The following CASZ1 variants were observed in gnomAD, a reference collection of about 807,000 sequenced individuals.
CASZ1 encodes zinc finger protein castor homolog 1.
Under a neutral mutation model 135.2 loss-of-function variants are expected in CASZ1, and 28 were observed. The observed-to-expected ratio is 0.21, with a 90% CI of 0.15 to 0.28. The LOEUF (loss-of-function observed/expected upper bound fraction) is 0.28. Ranked by LOEUF, CASZ1 falls within the 10% of genes least tolerant of loss-of-function variation. The pLI, the probability that CASZ1 is intolerant of heterozygous loss-of-function variation, is 1.00. For missense variants in CASZ1, 2,161 were observed against 2,453.3 expected, an observed-to-expected ratio of 0.88 and a Z score of 2.52; for synonymous variants, 1,068 against 1,073.4, an observed-to-expected ratio of 0.99 and a Z score of 0.10.
rs557004434 is a variant in CASZ1, at chr1:10,770,558, C to T, written c.-233-9701G>A. On this transcript the variant is annotated intron_variant, in intron 1 of 20. Transcript: ENST00000377022. ...TCCCAGCCAACTGGGCCCCTAGCTG[C>T]GGGGTGGTGAAAGGAGCCAGCAGTG... Among the ~76,000 whole-genome samples, 7 of 152,176 alleles carry T rather than the reference C, an allele frequency of 4.6e-5. No individual in the cohort carries two copies. In the South Asian group the frequency reaches 8.3e-4, roughly 18 times the overall value.
intron 4 of CASZ1, among the ~76,000 whole-genome samples, chr1:10,680,150 C>T (rs1638363969): frequency 6.6e-6 from 1 of 152,074 alleles, no homozygotes; most frequent in Admixed American, 6.5e-5. Flanking sequence ...GTGTCCTGGG[C>T]CTGACCTCTG....
At chr1:10,658,313 A>C in intron 7 of CASZ1, 195 bp downstream of exon 7, 1 of 595,584 alleles carries the variant, frequency 1.7e-6, no homozygotes, top group African/African-American at 1.9e-5. Flanking sequence ...CCTGGACTAC[A>C]CAGAGCGGAG....
intron 4 of CASZ1, among the ~76,000 whole-genome samples, chr1:10,692,725 G>A (rs1338898168): frequency 2.0e-5 from 3 of 152,298 alleles, no homozygotes; most frequent in African/African-American, 2.4e-5. Flanking sequence ...CATCCCCTCA[G>A]GGCTGCCTCC....
chr1:10,789,735 C>G (rs1354597271), intron 1 of CASZ1, among the ~76,000 whole-genome samples: 1 of 151,896 alleles, frequency 6.6e-6, no homozygotes, highest in Non-Finnish European at 1.5e-5. Flanking sequence ...CCCTGGTTGT[C>G]CTCAATTATT....
At chr1:10,687,827 TC>T (rs991716054) in intron 4 of CASZ1, among the ~76,000 whole-genome samples, 5 of 152,116 alleles carry the variant, frequency 3.3e-5, no homozygotes, top group African/African-American at 1.2e-4. Flanking sequence ...CCATCAACAC[TC>T]CTGTCTTTAT....
chr1:10,657,805 G>A lies in CASZ1; in HGVS notation c.1409+703C>T, dbSNP rs1410299852. ...AGAGGGCAGGCGGTGGGGGGGTGGG[G>A]GCGGGGGGTGTTATTTGTGTGATTT... is the stretch of plus-strand genomic sequence containing the variant. On this transcript the variant is annotated intron_variant, in intron 7 of 20. Coordinates refer to ENST00000377022, the MANE Select transcript of CASZ1 (RefSeq NM_001079843.3). This position sits in a 1 kb window ranked among gnomAD's most constrained non-coding sequence, Gnocchi z 5.7. Among the ~76,000 whole-genome samples the A allele has an allele frequency of 1.4e-4, 21 of 147,940 alleles. No individual in the cohort carries two copies.
In CASZ1 at chr1:10,774,564, CG is replaced by C. The variant is rs912874257; in HGVS notation, c.-233-13708del. On this transcript the variant is annotated intron_variant, in intron 1 of 20. Coordinates refer to ENST00000377022, the MANE Select transcript of CASZ1 (RefSeq NM_001079843.3). The surrounding 1 kb of genome is among the most constrained non-coding windows in gnomAD (Gnocchi z 4.4). ...CAAGAAATCCCATCCATAGCCCCCCCGATCCAAAAGGATCACCAGGAGATCC... is the reference window on the plus strand; with the variant it reads ...CAAGAAATCCCATCCATAGCCCCCCCATCCAAAAGGATCACCAGGAGATCC... Among the ~76,000 whole-genome samples the C allele has an allele frequency of 6.0e-5, 9 of 150,536 alleles. No homozygotes were observed. The highest frequency in any genetic ancestry group is 3.3e-4 in the Admixed American group (5 of 15,092).
intron 4 of CASZ1, among the ~76,000 whole-genome samples, chr1:10,681,534 C>T (rs1638421025): frequency 6.6e-6 from 1 of 152,222 alleles, no homozygotes; most frequent in South Asian, 2.1e-4. Context: ...TGGGCAGCCT[C>T]CCGGGACTGT....
At position 10,717,970 on chromosome 1, in the gene CASZ1, C is replaced by T. The variant is rs530368221; in HGVS notation, c.-76-12426G>A. 3.3e-5 allele frequency among the ~76,000 whole-genome samples: 5 copies of T among 152,346 alleles called. No homozygotes were observed. Among genetic ancestry groups the T allele is most frequent in the Middle Eastern group, 3.4e-3 (1 of 294 alleles). ...GACCAAAGCGGGTGCAGGGACGGGC[C>T]GAGGGGGCTACGGAGGCCCATTCAA... On this transcript the variant is annotated intron_variant, in intron 2 of 20. Transcript: ENST00000377022. This position sits in a 1 kb window ranked among gnomAD's most constrained non-coding sequence, Gnocchi z 4.6.
intron 1 of CASZ1, among the ~76,000 whole-genome samples, chr1:10,771,657 TTCC>T (rs34581008): frequency 0.69 from 103,774 of 150,648 alleles, 36,556 homozygotes; most frequent in Non-Finnish European, 0.77. Context: ...TTTCACCTCT[TTCC>T]TCCTCCTCCT....
chr1:10,653,237 G>T, intron 11 of CASZ1, 140 bp downstream of exon 11: 2 of 921,540 alleles, frequency 2.2e-6, no homozygotes, highest in East Asian at 2.5e-5. Flanking sequence ...CGAAGATCAG[G>T]CAAAGAGGGG....
intron 4 of CASZ1, among the ~76,000 whole-genome samples, chr1:10,691,875 C>G (rs561235824): frequency 3.9e-5 from 6 of 152,338 alleles, no homozygotes; most frequent in Admixed American, 1.3e-4. Flanking sequence ...CCAGATGACT[C>G]CTCCAGGAAA....
At chr1:10,658,196 G>A (rs1243831413) in intron 7 of CASZ1, 2 of 354,598 alleles carry the variant, frequency 5.6e-6, no homozygotes, top group Non-Finnish European at 1.1e-5. Flanking sequence ...GGCTCTGTGT[G>A]ACAGCAGGAC....
At position 10,719,255 on chromosome 1, in the gene CASZ1, G is replaced by A. The variant is rs1272398277; in HGVS notation, c.-76-13711C>T. Among the ~76,000 whole-genome samples, 2 of 152,202 alleles carry A rather than the reference G, an allele frequency of 1.3e-5. No homozygotes were observed. The highest frequency in any genetic ancestry group is 2.9e-5 in the Non-Finnish European group (2 of 68,046). The stretch of plus-strand genomic sequence containing the variant: ...CTTGTAAGGGGAGAGCCTGAGGTTC[G>A]GAGAAGGGAGGTCTGCCAGCAAGGC... On this transcript the variant is annotated intron_variant, in intron 2 of 20. Coordinates refer to ENST00000377022, the MANE Select transcript of CASZ1 (RefSeq NM_001079843.3). The surrounding 1 kb of genome is among the most constrained non-coding windows in gnomAD (Gnocchi z 4.0).
At position 10,741,728 on chromosome 1, in the gene CASZ1, C is replaced by T. The variant is rs1345048113; in HGVS notation, c.-77+18973G>A. 6.6e-6 allele frequency among the ~76,000 whole-genome samples: 1 copy of T among 151,950 alleles called. No homozygotes were observed. The highest frequency in any genetic ancestry group is 1.5e-5 in the Non-Finnish European group (1 of 68,006). ...ATTATTCCTACTAGGCCCTGGAATG[C>T]CAGACATTTTGCAGCTTTTATAACA... On this transcript the variant is annotated intron_variant, in intron 2 of 20. Transcript: ENST00000377022. This position sits in a 1 kb window ranked among gnomAD's most constrained non-coding sequence, Gnocchi z 5.0.
rs779636621 is a variant in CASZ1 at position 10,648,206 on chromosome 1, GACC to G, written c.3159-70_3159-68del. Reference sequence around the variant, plus strand: ...GACAGGTGTGGAGGGGCATGCATGTGACCCCATCACAGGCCTAGACCCCGGTGT... The same window carrying G: ...GACAGGTGTGGAGGGGCATGCATGTGCCATCACAGGCCTAGACCCCGGTGT... On this transcript the variant is annotated intron_variant, in intron 15 of 20. Coordinates refer to ENST00000377022, the MANE Select transcript of CASZ1 (RefSeq NM_001079843.3). 33 of 1,187,604 alleles carry G rather than the reference GACC, an allele frequency of 2.8e-5. 1 individual carries two copies. The highest frequency in any genetic ancestry group is 3.6e-5 in the Non-Finnish European group (31 of 858,972). 73.6% of individuals were successfully genotyped at this position (1,187,604 alleles called of 1,614,324 possible).
At chr1:10,693,544 A>C (rs1268863848) in intron 4 of CASZ1, among the ~76,000 whole-genome samples, 1 of 144,780 alleles carries the variant, frequency 6.9e-6, no homozygotes, top group South Asian at 2.2e-4. Context: ...CAGAAAAAAA[A>C]CACGAAGCCA....
chr1:10,745,626 T>C (rs1409622574), intron 2 of CASZ1, among the ~76,000 whole-genome samples: 4 of 152,162 alleles, frequency 2.6e-5, no homozygotes, highest in Admixed American at 6.5e-5. Context: ...TGCATTTTCA[T>C]TGTGCACTGG....
In CASZ1 at chr1:10,787,847, A is replaced by G. The variant is rs139853684; in HGVS notation, c.-234+8717T>C. On this transcript the variant is annotated intron_variant, in intron 1 of 20. Coordinates refer to ENST00000377022, the MANE Select transcript of CASZ1 (RefSeq NM_001079843.3). ...ATCCCACTCTCCCTCCGGGCTTCCC[A>G]CCGGCTCAGGCACCAGCCTTCACCT... is the stretch of plus-strand genomic sequence containing the variant. 1.8e-3 allele frequency among the ~76,000 whole-genome samples: 269 copies of G among 152,248 alleles called. 1 individual carries two copies. Among genetic ancestry groups the G allele is most frequent in the African/African-American group, 6.3e-3 (260 of 41,560 alleles).
Sources: allele counts gnomAD v4.1 joint callset (sites outside exome capture counted in the v4.1 genomes callset), GRCh38; gene constraint gnomAD v4.1.1; non-coding constraint Gnocchi (gnomAD v3.1); transcripts MANE v1.5; gene names NCBI Gene and HGNC (gene_info 2026-07-23, HGNC 2026-07-21).